SAXO1: variants seen among roughly 807,000 people sequenced by gnomAD.
SAXO1 encodes stabilizer of axonemal microtubules 1, also known as 4930500O09Rik.
A neutral mutation model predicts 17.5 loss-of-function variants in SAXO1; 21 were observed. That is an observed-to-expected ratio of 1.20 (90% CI 0.85 to 1.72). The LOEUF (loss-of-function observed/expected upper bound fraction) is 1.72, where lower values mean the gene tolerates loss of function less well. Among genes scored for constraint, SAXO1 ranks in the 40% most tolerant of loss-of-function variants. The pLI is 0.00. For missense variants in SAXO1, 843 were observed against 596.0 expected (o/e 1.41, Z -4.32); for synonymous variants, 274 against 216.5 (o/e 1.27, Z -2.33).
intron 1 of SAXO1, among the ~76,000 whole-genome samples, chr9:18,971,635 T>C (rs886453412): frequency 6.6e-6 from 1 of 152,180 alleles, no homozygotes; most frequent in Non-Finnish European, 1.5e-5. Context: ...GACTTCGAGT[T>C]TAATTATTAC....
chr9:19,044,253 T>G (rs1272988418), intron 1 of SAXO1, among the ~76,000 whole-genome samples: 1 of 152,186 alleles, frequency 6.6e-6, no homozygotes, highest in Non-Finnish European at 1.5e-5. Context: ...TCAAAGTATC[T>G]CATGTACCTC....
chr9:18,977,920 C>T (rs972429992), intron 1 of SAXO1, among the ~76,000 whole-genome samples: 2 of 142,732 alleles, frequency 1.4e-5, no homozygotes, highest in Non-Finnish European at 3.0e-5. Context: ...CACTTGAACC[C>T]GGGAGGCGGA....
intron 1 of SAXO1, among the ~76,000 whole-genome samples, chr9:19,003,393 C>T (rs755821120): frequency 4.6e-5 from 7 of 152,186 alleles, no homozygotes; most frequent in African/African-American, 1.4e-4. Flanking sequence ...GAAAAAACTA[C>T]TTTAAAGCTC....
At chr9:19,038,470 A>C (rs1438638815) in intron 1 of SAXO1, among the ~76,000 whole-genome samples, 2 of 151,886 alleles carry the variant, frequency 1.3e-5, no homozygotes, top group African/African-American at 4.8e-5. Context: ...ACATGGATGA[A>C]ATTGGAAATC....
chr9:18,935,641 T>G (rs1831254259), intron 3 of SAXO1, among the ~76,000 whole-genome samples: 1 of 152,178 alleles, frequency 6.6e-6, no homozygotes, highest in East Asian at 1.9e-4. Context: ...GGAATACATA[T>G]GAGCTTATCA....
At chr9:19,005,099 C>CA (rs1834433118) in intron 1 of SAXO1, among the ~76,000 whole-genome samples, 1 of 151,972 alleles carries the variant, frequency 6.6e-6, no homozygotes, top group South Asian at 2.1e-4. Context: ...CTTTCACATT[C>CA]AAAAAACTAC....
At position 19,017,058 on chromosome 9, in the gene SAXO1, T is replaced by C. The variant is rs549650990; in HGVS notation, c.38+15813A>G. Among the ~76,000 whole-genome samples the C allele has an allele frequency of 5.3e-5, 8 of 152,088 alleles. No individual in the cohort carries two copies. The South Asian group carries it at 1.0e-3, about 20-fold the overall frequency. ...GCATGGTGGCTCATGCCTGTACTCCTAGCACTTTGGGAGGCAGAGGTGGGC... is the reference window on the plus strand; with the variant it reads ...GCATGGTGGCTCATGCCTGTACTCCCAGCACTTTGGGAGGCAGAGGTGGGC... On this transcript the variant is annotated intron_variant, in intron 1 of 3. Transcript: ENST00000380534.
chr9:18,991,707 A>ACT (rs1226614839), intron 1 of SAXO1, among the ~76,000 whole-genome samples: 1 of 152,190 alleles, frequency 6.6e-6, no homozygotes, highest in Non-Finnish European at 1.5e-5. Flanking sequence ...CTAGAACTTA[A>ACT]AGTACAATTT....
chr9:18,939,301 C>T (rs1831447802), intron 3 of SAXO1, among the ~76,000 whole-genome samples: 1 of 152,200 alleles, frequency 6.6e-6, no homozygotes, highest in South Asian at 2.1e-4. Context: ...AAGTGCCCCC[C>T]AACACCCTAC....
chr9:18,941,487 A>G, intron 3 of SAXO1, 150 bp downstream of exon 3: 1 of 753,846 alleles, frequency 1.3e-6, no homozygotes, highest in Non-Finnish European at 2.1e-6. Context: ...CTCTCCAGCT[A>G]TACAAAAACA....
intron 1 of SAXO1, among the ~76,000 whole-genome samples, chr9:19,041,298 A>G (rs1461044922): frequency 6.6e-6 from 1 of 152,164 alleles, no homozygotes; most frequent in African/African-American, 2.4e-5. Flanking sequence ...ACAGAAGAGG[A>G]CACAAAAAAG....
intron 1 of SAXO1, chr9:19,027,139 T>C: frequency 9.2e-7 from 1 of 1,083,162 alleles, no homozygotes; most frequent in Non-Finnish European, 1.4e-6. Flanking sequence ...CTCCTGGATG[T>C]TGATCCCAAT....
At chr9:18,940,784 A>G (rs529050052) in intron 3 of SAXO1, among the ~76,000 whole-genome samples, 1 of 152,276 alleles carries the variant, frequency 6.6e-6, no homozygotes, top group South Asian at 2.1e-4. Context: ...TTGTCTCTCC[A>G]CTAGGCTAGA....
rs550894327 is a variant in SAXO1, at chr9:18,928,480, G to T, written c.997C>A (p.Arg333Ser). ...RPALQIKKCG[R>S]FEGSSTTKDD... ...TTGGTGGTGGAAGAGCCTTCAAAGC[G>T]ACCGCACTTCTTAATCTGAAGTGCA... Residue 333 changes from arginine (R) to serine (S), a missense_variant, in exon 4 of 4, where the codon CGC becomes AGC. Physicochemically the swap from Arg to Ser is moderately radical, Grantham distance 110. Transcript: ENST00000380534. 3 of 1,613,250 alleles carry T rather than the reference G, an allele frequency of 1.9e-6. No homozygotes were observed. Among genetic ancestry groups the T allele is most frequent in the South Asian group, 1.1e-5 (1 of 90,900 alleles).
intron 1 of SAXO1, among the ~76,000 whole-genome samples, chr9:18,978,667 G>T (rs953351049): frequency 7.2e-5 from 11 of 152,254 alleles, no homozygotes; most frequent in East Asian, 3.9e-4. Flanking sequence ...TTGCATTTTT[G>T]GCATGCCCAC....
chr9:18,938,823 T>TGC (rs1360798248), intron 3 of SAXO1, among the ~76,000 whole-genome samples: 44 of 63,678 alleles, frequency 6.9e-4, no homozygotes, highest in African/African-American at 2.0e-3. Flanking sequence ...CGTGCGTGCG[T>TGC]GTGTGTGTGT....
chr9:19,008,940 T>C (rs1834605451), intron 1 of SAXO1, among the ~76,000 whole-genome samples: 1 of 152,236 alleles, frequency 6.6e-6, no homozygotes, highest in Non-Finnish European at 1.5e-5. Context: ...AGTTCATTAA[T>C]CACCAAATTG....
chr9:18,985,038 T>A (rs1171166498), intron 1 of SAXO1, among the ~76,000 whole-genome samples: 2 of 152,040 alleles, frequency 1.3e-5, no homozygotes, highest in Admixed American at 6.6e-5. Flanking sequence ...TTTGCCCTAT[T>A]TTCAGATATT....
In SAXO1 at chr9:18,941,791, A is replaced by G. The variant is rs1831572611; in HGVS notation, c.267T>C (p.Tyr89=). 6.2e-7 allele frequency: 1 copy of G among 1,614,190 alleles called. No individual in the cohort carries two copies. The highest frequency in any genetic ancestry group is 2.2e-5 in the East Asian group (1 of 44,888). The part of the protein sequence containing the change: ...HKVAPVKVHQ[Y]DQFVPSEENM... ...TCTCTTCACTCGGGACGAACTGGTC[A>G]TACTGGTGGACCTTCACTGGTGCCA... Residue 89 remains tyrosine, a synonymous_variant, in exon 3 of 4, where the codon TAT becomes TAC. Transcript: ENST00000380534.
Sources: gnomAD v4.1 joint callset for allele counts (sites outside exome capture counted in the v4.1 genomes callset) on GRCh38, gnomAD v4.1.1 for gene constraint, MANE v1.5 for transcripts, NCBI Gene and HGNC (gene_info 2026-07-23, HGNC 2026-07-21) for gene names.